SLC10A7: variants seen among roughly 807,000 people sequenced by gnomAD.
SLC10A7 encodes the protein sodium/bile acid cotransporter 7.
SLC10A7 carries 29 observed loss-of-function variants against 43.2 expected under a neutral mutation model. The observed-to-expected ratio is 0.67, with a 90% CI of 0.50 to 0.92. SLC10A7 has a LOEUF of 0.92. Ranked by LOEUF, SLC10A7 falls within the 40% of genes least tolerant of loss-of-function variation. The pLI, the probability that SLC10A7 is intolerant of heterozygous loss-of-function variation, is 0.00. For synonymous variants in SLC10A7, 152 were observed against 144.8 expected (o/e 1.05, Z -0.35); for missense variants, 295 against 403.2 (o/e 0.73, Z 2.30).
rs548761182 is a variant in SLC10A7 at position 146,445,077 on chromosome 4, C to A, written c.397-2256G>T. On this transcript the variant is annotated intron_variant, in intron 4 of 11. Transcript: ENST00000335472. ...TCCAGGGCCTTCCATGAACATGTTT[C>A]TATCCATCTCATTCCCTGCCTCGAA... Among the ~76,000 whole-genome samples, 100 of 152,280 alleles carry A rather than the reference C, an allele frequency of 6.6e-4. 1 individual carries two copies. The highest frequency in any genetic ancestry group is 3.4e-3 in the Middle Eastern group (1 of 294).
At chr4:146,319,445 T>A (rs956114129) in intron 6 of SLC10A7, among the ~76,000 whole-genome samples, 3 of 152,084 alleles carry the variant, frequency 2.0e-5, no homozygotes, top group Admixed American at 6.6e-5. Context: ...AATCTAGTAC[T>A]TCCTATTCCT....
At chr4:146,401,975 A>C (rs1235644655) in intron 5 of SLC10A7, among the ~76,000 whole-genome samples, 1 of 152,194 alleles carries the variant, frequency 6.6e-6, no homozygotes, top group East Asian at 1.9e-4. Flanking sequence ...AAAAATTTAC[A>C]TCTATACCAC....
chr4:146,363,783 C>A (rs2149767717), intron 5 of SLC10A7, among the ~76,000 whole-genome samples: 1 of 152,004 alleles, frequency 6.6e-6, no homozygotes, highest in African/African-American at 2.4e-5. Context: ...AAGAAGGAAA[C>A]TGAAAAATTT....
intron 1 of SLC10A7, among the ~76,000 whole-genome samples, chr4:146,517,841 T>A (rs1738164570): frequency 6.6e-6 from 1 of 152,220 alleles, no homozygotes; most frequent in Non-Finnish European, 1.5e-5. Context: ...TCTTCTAGGA[T>A]ATCAGAAACA....
chr4:146,302,263 G>A (rs1731211708), intron 7 of SLC10A7, among the ~76,000 whole-genome samples: 1 of 152,166 alleles, frequency 6.6e-6, no homozygotes, highest in Non-Finnish European at 1.5e-5. Flanking sequence ...GTGTGGAGAT[G>A]AGAAGTACAG....
At chr4:146,476,026 T>C (rs762286597) in intron 4 of SLC10A7, among the ~76,000 whole-genome samples, 1 of 152,184 alleles carries the variant, frequency 6.6e-6, no homozygotes, top group Non-Finnish European at 1.5e-5. Context: ...TTACCTCTTA[T>C]TTCAAATCAG....
At chr4:146,473,958 C>T (rs1332030250) in intron 4 of SLC10A7, among the ~76,000 whole-genome samples, 1 of 152,022 alleles carries the variant, frequency 6.6e-6, no homozygotes, top group South Asian at 2.1e-4. Flanking sequence ...ATCTCTGTTA[C>T]CTTAACAGTT....
chr4:146,314,679 G>A (rs141345355), intron 6 of SLC10A7, among the ~76,000 whole-genome samples: 113 of 152,252 alleles, frequency 7.4e-4, no homozygotes, highest in African/African-American at 2.6e-3. Context: ...GAACTCTGAG[G>A]ATGACTTTCA....
At chr4:146,447,628 G>C (rs1731215117) in intron 4 of SLC10A7, among the ~76,000 whole-genome samples, 1 of 151,252 alleles carries the variant, frequency 6.6e-6, no homozygotes, top group Non-Finnish European at 1.5e-5. Context: ...TGTATACCTT[G>C]GAGTAATCAC....
intron 5 of SLC10A7, among the ~76,000 whole-genome samples, chr4:146,330,665 A>T (rs1156878329): frequency 1.3e-5 from 2 of 152,190 alleles, no homozygotes; most frequent in Middle Eastern, 3.2e-3. Flanking sequence ...AATAAAAGCT[A>T]ACATTTATGC....
At chr4:146,511,990 T>TTGG (rs1737517683) in intron 2 of SLC10A7, among the ~76,000 whole-genome samples, 1 of 148,116 alleles carries the variant, frequency 6.8e-6, no homozygotes, top group South Asian at 2.2e-4. Context: ...TTTTTTTTTT[T>TTGG]GAGATGGAGT....
chr4:146,454,878 C>G (rs1450006409), intron 4 of SLC10A7, among the ~76,000 whole-genome samples: 1 of 151,824 alleles, frequency 6.6e-6, no homozygotes, highest in African/African-American at 2.4e-5. Context: ...ATTGAAAATA[C>G]TATTTATTTA....
chr4:146,345,672 G>A (rs1734571673), intron 5 of SLC10A7, among the ~76,000 whole-genome samples: 1 of 151,988 alleles, frequency 6.6e-6, no homozygotes, highest in African/African-American at 2.4e-5. Flanking sequence ...ACATTTATTT[G>A]TGTGATTATT....
chr4:146,481,618 C>G (rs1436751423), intron 4 of SLC10A7, among the ~76,000 whole-genome samples: 1 of 152,170 alleles, frequency 6.6e-6, no homozygotes, highest in Non-Finnish European at 1.5e-5. Flanking sequence ...TATGCTGTGC[C>G]CCCCAGGGGC....
chr4:146,312,377 C>G (rs1351580727), intron 6 of SLC10A7, among the ~76,000 whole-genome samples: 1 of 152,090 alleles, frequency 6.6e-6, no homozygotes, highest in Non-Finnish European at 1.5e-5. Flanking sequence ...AAAATGATTA[C>G]TATGATAAAG....
chr4:146,442,734 A>G lies in SLC10A7; in HGVS notation c.435+49T>C, dbSNP rs762322977. On this transcript the variant is annotated intron_variant, in intron 5 of 11. Coordinates refer to ENST00000335472, the MANE Select transcript of SLC10A7 (RefSeq NM_001029998.6). ...CTTTCACTAAATCTTTCATATACACAATATCACAGCAAAAGTTGTAATAGA... is the reference window on the plus strand; with the variant it reads ...CTTTCACTAAATCTTTCATATACACGATATCACAGCAAAAGTTGTAATAGA... The G allele has an allele frequency of 5.0e-6, 8 of 1,592,560 alleles. No homozygotes were observed. In the East Asian group the frequency reaches 9.0e-5, roughly 18 times the overall value.
chr4:146,320,062 G>C (rs1342774222), intron 6 of SLC10A7, among the ~76,000 whole-genome samples: 1 of 152,030 alleles, frequency 6.6e-6, no homozygotes, highest in Non-Finnish European at 1.5e-5. Context: ...AGAGGCACTG[G>C]AGATTTGAGA....
At chr4:146,386,398 G>C (rs931089449) in intron 5 of SLC10A7, among the ~76,000 whole-genome samples, 3 of 152,010 alleles carry the variant, frequency 2.0e-5, no homozygotes, top group Non-Finnish European at 4.4e-5. Flanking sequence ...ATAGTATAAT[G>C]AACACTCATA....
intron 5 of SLC10A7, among the ~76,000 whole-genome samples, chr4:146,440,314 C>T (rs569130137): frequency 2.4e-4 from 36 of 150,386 alleles, no homozygotes; most frequent in East Asian, 2.1e-3. Flanking sequence ...GACAGAGTCT[C>T]GCTCTTTCAC....
Sources: gnomAD v4.1 joint callset for allele counts (sites outside exome capture counted in the v4.1 genomes callset) on GRCh38, gnomAD v4.1.1 for gene constraint, MANE v1.5 for transcripts, NCBI Gene and HGNC (gene_info 2026-07-23, HGNC 2026-07-21) for gene names.